Variants in EBF3 observed in about 807,000 individuals in gnomAD.
The protein encoded by EBF3 is transcription factor COE3.
A neutral mutation model predicts 77.1 loss-of-function variants in EBF3; 18 were observed. That is an observed-to-expected ratio of 0.23 (90% CI 0.16 to 0.35). The LOEUF is 0.35. Ranked by LOEUF, EBF3 falls within the 10% of genes least tolerant of loss-of-function variation. The probability of loss-of-function intolerance (pLI) is 1.00; values close to 1 mark genes in which losing one functional copy is unlikely to be tolerated. For synonymous variants in EBF3, 350 were observed against 343.5 expected (o/e 1.02, Z -0.21); for missense variants, 558 against 860.0 (o/e 0.65, Z 4.39).
intron 6 of EBF3, among the ~76,000 whole-genome samples, chr10:129,902,535 C>G (rs1854865071): frequency 6.6e-6 from 1 of 152,084 alleles, no homozygotes; most frequent in South Asian, 2.1e-4. Context: ...ACCATAAAAC[C>G]CAGCAGAAAG....
chr10:129,904,566 G>T (rs193278337), intron 6 of EBF3, among the ~76,000 whole-genome samples: 145 of 151,836 alleles, frequency 9.5e-4, no homozygotes, highest in Non-Finnish European at 1.6e-3. Context: ...ATGGATGGAT[G>T]AACGGATGGA....
intron 6 of EBF3, among the ~76,000 whole-genome samples, chr10:129,951,959 C>T (rs1016697614): frequency 1.3e-5 from 2 of 152,238 alleles, no homozygotes; most frequent in African/African-American, 4.8e-5. Context: ...TCCCTACTGG[C>T]GCTGCCAGGG....
intron 3 of EBF3, 115 bp downstream of exon 3, chr10:129,962,827 A>C: frequency 8.1e-7 from 1 of 1,242,116 alleles, no homozygotes. Flanking sequence ...ATGCCATGAG[A>C]AGATTTCGTG....
chr10:129,894,180 C>A (rs1257879412), intron 6 of EBF3, among the ~76,000 whole-genome samples: 3 of 152,216 alleles, frequency 2.0e-5, no homozygotes, highest in Non-Finnish European at 1.5e-5. Flanking sequence ...GTGATCTGCA[C>A]TTGGGTGTCT....
In EBF3 at chr10:129,870,660, G is replaced by A. The variant is rs369027412; in HGVS notation, c.782-2748C>T. 1.2e-4 allele frequency among the ~76,000 whole-genome samples: 19 copies of A among 152,226 alleles called. No homozygotes were observed. The highest frequency in any genetic ancestry group is 3.4e-4 in the African/African-American group (14 of 41,538). Reference sequence around the variant, plus strand: ...CCCTCTGCCCATCGTGACCCCCGCCGGCTCTCCCCAGGGCCTGCGGGGACT... The same window carrying A: ...CCCTCTGCCCATCGTGACCCCCGCCAGCTCTCCCCAGGGCCTGCGGGGACT... On this transcript the variant is annotated intron_variant, in intron 8 of 16. Transcript: ENST00000440978. The surrounding 1 kb of genome is among the most constrained non-coding windows in gnomAD (Gnocchi z 4.4).
chr10:129,912,575 G>A (rs1488201470), intron 6 of EBF3, among the ~76,000 whole-genome samples: 4 of 152,160 alleles, frequency 2.6e-5, no homozygotes. Flanking sequence ...TGATGGCAAA[G>A]TGAGTGCTAT....
rs555405690 is a variant in EBF3 at position 129,938,523 on chromosome 10, G to T, written c.554+18735C>A. Among the ~76,000 whole-genome samples the T allele has an allele frequency of 3.7e-4, 56 of 152,276 alleles. No individual in the cohort carries two copies. The highest frequency in any genetic ancestry group is 1.3e-3 in the African/African-American group (56 of 41,550). Reference sequence around the variant, plus strand: ...AGCTGTGATTGTGCCACTGTACCCAGCCTGGGTGGCAGAGTGAGACCCTGT... The same window carrying T: ...AGCTGTGATTGTGCCACTGTACCCATCCTGGGTGGCAGAGTGAGACCCTGT... On this transcript the variant is annotated intron_variant, in intron 6 of 16. Transcript: ENST00000440978. This position sits in a 1 kb window ranked among gnomAD's most constrained non-coding sequence, Gnocchi z 5.1.
intron 6 of EBF3, among the ~76,000 whole-genome samples, chr10:129,915,494 AC>A (rs1855821401): frequency 1.2e-4 from 11 of 94,612 alleles, no homozygotes; most frequent in African/African-American, 1.8e-4. Context: ...ACACACACAC[AC>A]ACAAAAAAGC....
intron 6 of EBF3, among the ~76,000 whole-genome samples, chr10:129,903,326 T>TA (rs959959111): frequency 4.6e-5 from 7 of 152,256 alleles, no homozygotes; most frequent in Admixed American, 1.3e-4. Flanking sequence ...CCCTTGGGCA[T>TA]AGAAATCCTT....
intron 10 of EBF3, among the ~76,000 whole-genome samples, chr10:129,849,732 GAAGT>G (rs1371736250): frequency 6.6e-6 from 1 of 152,230 alleles, no homozygotes; most frequent in Non-Finnish European, 1.5e-5. Flanking sequence ...ACAGGAATGT[GAAGT>G]AAGACATTTT....
chr10:129,876,885 A>ACCCCCCC (rs10573399), intron 7 of EBF3, among the ~76,000 whole-genome samples: 2 of 42,368 alleles, frequency 4.7e-5, no homozygotes, highest in Non-Finnish European at 8.8e-5. Context: ...TCATCCCTGA[A>ACCCCCCC]CCCCCCCCCC....
In EBF3 at chr10:129,876,871, T is replaced by C. The variant is rs369761700; in HGVS notation, c.636+897A>G. Among the ~76,000 whole-genome samples the C allele has an allele frequency of 4.3e-4, 57 of 132,508 alleles. 1 individual carries two copies. The East Asian group carries it at 0.012, about 27-fold the overall frequency. 86.9% of individuals were successfully genotyped at this position (132,508 alleles called of 152,430 possible). A position where few individuals can be genotyped will look rare whatever the true frequency, so the allele number is the denominator to read the frequency against. On this transcript the variant is annotated intron_variant, in intron 7 of 16. Coordinates refer to ENST00000440978, the MANE Select transcript of EBF3 (RefSeq NM_001375380.1). The stretch of plus-strand genomic sequence containing the variant: ...ATCATAATGGTACATAAATCTATCA[T>C]AATTCATCCCTGAACCCCCCCCCCC...
chr10:129,931,167 G>T (rs1218716448), intron 6 of EBF3, among the ~76,000 whole-genome samples: 1 of 152,094 alleles, frequency 6.6e-6, no homozygotes, highest in African/African-American at 2.4e-5. Context: ...TATTGGTTCT[G>T]TCTTTCTGGA....
In EBF3 at chr10:129,867,861, C is replaced by A. The variant is rs1290100150; in HGVS notation, c.833G>T (p.Gly278Val). The A allele has an allele frequency of 1.9e-6, 3 of 1,614,094 alleles. No individual in the cohort carries two copies. Among genetic ancestry groups the A allele is most frequent in the Non-Finnish European group, 1.7e-6 (2 of 1,179,982 alleles). ...GTCGCCAATTATGATGACGGTGGCA[C>A]CCCCCGTGGTCCAGCCTTCACTGGG... ...ISPSEGWTTG[G>V]ATVIIIGDNF... The change falls in exon 9 of 17, where the codon GGT becomes GTT. Residue 278 changes from glycine to valine, a missense_variant. Transcript: ENST00000440978.
At position 129,840,733 on chromosome 10, in the gene EBF3, C is replaced by A. The variant is rs1480172713; in HGVS notation, c.1561+111G>T. The A allele has an allele frequency of 1.4e-6, 2 of 1,450,586 alleles. No homozygotes were observed. Among genetic ancestry groups the A allele is most frequent in the East Asian group, 4.6e-5 (2 of 43,642 alleles). The allele number at this position is 1,450,586 out of a possible 1,614,324, so 89.9% of individuals were successfully genotyped here. A position where few individuals can be genotyped will look rare whatever the true frequency, so the allele number is the denominator to read the frequency against. On this transcript the variant is annotated intron_variant, in intron 14 of 16. Coordinates refer to ENST00000440978, the MANE Select transcript of EBF3 (RefSeq NM_001375380.1). The stretch of plus-strand genomic sequence containing the variant: ...TTGGACGCCCAGCCTCCAGGGCCAC[C>A]CTTCCTTTTATCCAGTAGCTCACAT...
At chr10:129,893,661 C>T (rs1266090368) in intron 6 of EBF3, among the ~76,000 whole-genome samples, 2 of 152,202 alleles carry the variant, frequency 1.3e-5, no homozygotes, top group African/African-American at 4.8e-5. Context: ...AACTTCCTGA[C>T]GCCGGGAACG....
chr10:129,847,234 G>A (rs1168684209), intron 11 of EBF3, among the ~76,000 whole-genome samples: 1 of 152,098 alleles, frequency 6.6e-6, no homozygotes, highest in African/African-American at 2.4e-5. Context: ...GGCCTGCCAA[G>A]GCATGTGGTC....
rs1486233659 is a variant in EBF3 at position 129,962,159 on chromosome 10, A to G, written c.411+12T>C. On this transcript the variant is annotated intron_variant, in intron 4 of 16. Coordinates refer to ENST00000440978, the MANE Select transcript of EBF3 (RefSeq NM_001375380.1). ...GCAGTGAAAACTCGTGCAGAGGCAT[A>G]AACTTTCTCACCTGTTTGGTCATTG... The G allele has an allele frequency of 2.5e-6, 4 of 1,614,134 alleles. No individual in the cohort carries two copies. In the South Asian group the frequency reaches 4.4e-5, roughly 18 times the overall value.
intron 6 of EBF3, among the ~76,000 whole-genome samples, chr10:129,904,876 A>G (rs1855031511): frequency 6.6e-6 from 1 of 152,226 alleles, no homozygotes; most frequent in South Asian, 2.1e-4. Context: ...AACTCCTTAA[A>G]TAGCTCCCTA....
Sources: gnomAD v4.1 joint callset for allele counts (sites outside exome capture counted in the v4.1 genomes callset) on GRCh38, gnomAD v4.1.1 for gene constraint, Gnocchi (gnomAD v3.1) non-coding constraint, MANE v1.5 for transcripts, NCBI Gene and HGNC (gene_info 2026-07-23, HGNC 2026-07-21) for gene names.